TSHZ2: variants seen among roughly 807,000 people sequenced by gnomAD.
The protein encoded by TSHZ2 is teashirt homolog 2.
Under a neutral mutation model 74.4 loss-of-function variants are expected in TSHZ2, and 21 were observed. That is an observed-to-expected ratio of 0.28 (90% CI 0.20 to 0.41). TSHZ2 has a LOEUF of 0.41. Among genes scored for constraint, TSHZ2 ranks in the 10% least tolerant of loss-of-function variants. The pLI is 1.00. For missense variants in TSHZ2, 1,244 were observed against 1,293.5 expected (o/e 0.96, Z 0.59); for synonymous variants, 540 against 515.3 (o/e 1.05, Z -0.65).
intron 1 of TSHZ2, among the ~76,000 whole-genome samples, chr20:53,070,496 G>A (rs1237110195): frequency 6.6e-6 from 1 of 152,212 alleles, no homozygotes; most frequent in African/African-American, 2.4e-5. Context: ...CAGTGACTGT[G>A]ACCCTCTAAA....
At chr20:53,390,969 T>C (rs971028214) in intron 2 of TSHZ2, among the ~76,000 whole-genome samples, 4 of 152,222 alleles carry the variant, frequency 2.6e-5, no homozygotes, top group African/African-American at 9.6e-5. Flanking sequence ...TCAGCTCTGA[T>C]GCAATGTGAA....
intron 2 of TSHZ2, among the ~76,000 whole-genome samples, chr20:53,315,386 C>G (rs1188507150): frequency 6.6e-6 from 1 of 152,190 alleles, no homozygotes; most frequent in Non-Finnish European, 1.5e-5. Flanking sequence ...TGTAAACATA[C>G]AGCAAACTTT....
intron 1 of TSHZ2, among the ~76,000 whole-genome samples, chr20:53,071,723 T>C (rs1985180689): frequency 6.6e-6 from 1 of 152,118 alleles, no homozygotes; most frequent in Non-Finnish European, 1.5e-5. Context: ...GACATGGGTT[T>C]TATTGCTTAT....
intron 2 of TSHZ2, among the ~76,000 whole-genome samples, chr20:53,397,367 A>G (rs1354988232): frequency 6.6e-6 from 1 of 152,226 alleles, no homozygotes; most frequent in Non-Finnish European, 1.5e-5. Flanking sequence ...CAACAGACAC[A>G]TGAAAAAATG....
At chr20:53,046,882 A>G (rs374924038) in intron 1 of TSHZ2, among the ~76,000 whole-genome samples, 1 of 152,190 alleles carries the variant, frequency 6.6e-6, no homozygotes, top group African/African-American at 2.4e-5. Flanking sequence ...CTGGCTCATG[A>G]GCCCTTAATG....
At chr20:53,310,646 G>A (rs1978743243) in intron 2 of TSHZ2, among the ~76,000 whole-genome samples, 1 of 152,002 alleles carries the variant, frequency 6.6e-6, no homozygotes, top group South Asian at 2.1e-4. Flanking sequence ...TAGGATTGAG[G>A]GCTCTGGTTT....
At chr20:53,172,479 A>C (rs1434541314) in intron 1 of TSHZ2, among the ~76,000 whole-genome samples, 1 of 152,214 alleles carries the variant, frequency 6.6e-6, no homozygotes, top group African/African-American at 2.4e-5. Context: ...TTAACAGTTT[A>C]AGCTGCTCTG....
At position 53,256,653 on chromosome 20, in the gene TSHZ2, G is replaced by T. The variant is rs555221946; in HGVS notation, c.*8+82G>T. 6.3e-5 allele frequency: 94 copies of T among 1,481,420 alleles called. No individual in the cohort carries two copies. The highest frequency in any genetic ancestry group is 1.9e-4 in the Middle Eastern group (1 of 5,326). 91.8% of individuals were successfully genotyped at this position (1,481,420 alleles called of 1,614,324 possible). A position where few individuals can be genotyped will look rare whatever the true frequency, so the allele number is the denominator to read the frequency against. ...AGATGGGTCTGCTTAGAGGCAGCTA[G>T]CATCTCCCAATGCCAAGCAGGATAG... On this transcript the variant is annotated intron_variant, in intron 2 of 2. Transcript: ENST00000371497. The surrounding 1 kb of genome is among the most constrained non-coding windows in gnomAD (Gnocchi z 4.3).
intron 2 of TSHZ2, among the ~76,000 whole-genome samples, chr20:53,384,199 G>C (rs1025871492): frequency 6.6e-6 from 1 of 152,142 alleles, no homozygotes; most frequent in African/African-American, 2.4e-5. Context: ...AATTTATGTG[G>C]GGAGCACACA....
At chr20:53,459,584 A>C (rs2145807481) in intron 2 of TSHZ2, among the ~76,000 whole-genome samples, 1 of 142,480 alleles carries the variant, frequency 7.0e-6, no homozygotes, top group South Asian at 2.4e-4. Context: ...TTATGTGTGA[A>C]TTTTATCCTG....
intron 1 of TSHZ2, among the ~76,000 whole-genome samples, chr20:53,104,649 A>T (rs1460645464): frequency 6.6e-6 from 1 of 152,190 alleles, no homozygotes; most frequent in Admixed American, 6.5e-5. Flanking sequence ...TGCTTGGCTT[A>T]TGATGAATAC....
chr20:53,147,960 C>T (rs992879205), intron 1 of TSHZ2, among the ~76,000 whole-genome samples: 7 of 152,120 alleles, frequency 4.6e-5, no homozygotes, highest in Admixed American at 6.6e-5. Context: ...GCGATCTGCC[C>T]GCCTCAGCCA....
chr20:53,307,108 G>A (rs1978576015), intron 2 of TSHZ2, among the ~76,000 whole-genome samples: 1 of 151,876 alleles, frequency 6.6e-6, no homozygotes, highest in Admixed American at 6.6e-5. Context: ...ACAAAGTGAG[G>A]CTGAGTGCGG....
intron 2 of TSHZ2, among the ~76,000 whole-genome samples, chr20:53,464,995 C>CT (rs1985510814): frequency 6.6e-6 from 1 of 152,266 alleles, no homozygotes; most frequent in East Asian, 1.9e-4. Context: ...TTAAAAGCAT[C>CT]TTTTTTTCTT....
At chr20:53,297,121 C>G (rs1991394108) in intron 2 of TSHZ2, among the ~76,000 whole-genome samples, 2 of 152,152 alleles carry the variant, frequency 1.3e-5, no homozygotes, top group South Asian at 4.1e-4. Context: ...CTTGTAATCT[C>G]TAACTGCAAA....
At chr20:53,486,280 C>T (rs374251650) in intron 2 of TSHZ2, among the ~76,000 whole-genome samples, 4 of 152,292 alleles carry the variant, frequency 2.6e-5, no homozygotes, top group African/African-American at 9.6e-5. Context: ...ATCACATTTG[C>T]TTATCCACTC....
chr20:53,279,256 G>A (rs1205074565), intron 2 of TSHZ2, among the ~76,000 whole-genome samples: 1 of 152,108 alleles, frequency 6.6e-6, no homozygotes, highest in Admixed American at 6.5e-5. Context: ...TGTTGTTCAA[G>A]GGACAGCTGT....
chr20:53,011,734 T>C (rs530850217), intron 1 of TSHZ2, among the ~76,000 whole-genome samples: 64 of 152,200 alleles, frequency 4.2e-4, no homozygotes, highest in African/African-American at 1.5e-3. Context: ...AAAATTAAAA[T>C]CTCCCCAGAG....
chr20:53,257,478 C>T (rs2123731843), intron 2 of TSHZ2, among the ~76,000 whole-genome samples: 1 of 152,276 alleles, frequency 6.6e-6, no homozygotes, highest in African/African-American at 2.4e-5. Context: ...CATGCCCAGA[C>T]CATTTGTGTC....
Sources: gnomAD v4.1 joint callset for allele counts (sites outside exome capture counted in the v4.1 genomes callset) on GRCh38, gnomAD v4.1.1 for gene constraint, Gnocchi (gnomAD v3.1) non-coding constraint, MANE v1.5 for transcripts, NCBI Gene and HGNC (gene_info 2026-07-23, HGNC 2026-07-21) for gene names.